Variants in CAGE1 observed in about 807,000 individuals in gnomAD.
CAGE1 encodes the protein cancer antigen 1, also known as cancer-associated gene 1 protein.
CAGE1 carries 66 observed loss-of-function variants against 94.9 expected under a neutral mutation model. The observed-to-expected ratio is 0.70, with a 90% CI of 0.57 to 0.85. CAGE1 has a LOEUF of 0.85. Among genes scored for constraint, CAGE1 ranks in the 40% least tolerant of loss-of-function variants. The pLI is 0.00. For missense variants in CAGE1, 865 were observed against 950.4 expected (o/e 0.91, Z 1.18); for synonymous variants, 319 against 321.0 (o/e 0.99, Z 0.07).
In CAGE1 at chr6:7,365,871, T is replaced by G. The variant is rs1561860974; in HGVS notation, c.2018A>C (p.Lys673Thr). The change falls in exon 8 of 14, where the codon AAA becomes ACA. Residue 673 changes from lysine to threonine, a missense_variant. By Grantham distance (78) the Lys-to-Thr change is moderately conservative. Coordinates refer to ENST00000502583, the MANE Select transcript of CAGE1 (RefSeq NM_001170692.2). ...KTLDKELLKH[K>T]DRITTFRELI... ...CTCTCTAAAGGTTGTGATTCTATCT[T>G]TATGTTTCAGTAGCTAAGAAAAGGA... is the stretch of plus-strand genomic sequence containing the variant. 3 of 1,520,342 alleles carry G rather than the reference T, an allele frequency of 2.0e-6. No individual in the cohort carries two copies. The highest frequency in any genetic ancestry group is 2.7e-6 in the Non-Finnish European group (3 of 1,126,992). 94.2% of individuals were successfully genotyped at this position (1,520,342 alleles called of 1,614,324 possible). A position where few individuals can be genotyped will look rare whatever the true frequency, so the allele number is the denominator to read the frequency against.
chr6:7,363,491 C>G (rs1329481898), intron 9 of CAGE1, among the ~76,000 whole-genome samples: 2 of 152,212 alleles, frequency 1.3e-5, no homozygotes, highest in African/African-American at 4.8e-5. Context: ...CTCTCTTAGT[C>G]TATAACAGTT....
At chr6:7,345,592 T>G (rs538325175) in intron 11 of CAGE1, among the ~76,000 whole-genome samples, 2 of 152,256 alleles carry the variant, frequency 1.3e-5, no homozygotes, top group East Asian at 3.9e-4. Context: ...ACTAATAGCT[T>G]TCATAGTAAA....
chr6:7,378,451 T>TTATATATATATATATATATA (rs34451165), intron 4 of CAGE1, among the ~76,000 whole-genome samples, 166 bp downstream of exon 4: 96 of 149,762 alleles, frequency 6.4e-4, no homozygotes, highest in African/African-American at 2.2e-3. Context: ...AAGTCTCAGA[T>TTATATATATATATATATATA]TATATATATA....
At chr6:7,358,034 A>AGG (rs1760028204) in intron 9 of CAGE1, among the ~76,000 whole-genome samples, 12 of 34,980 alleles carry the variant, frequency 3.4e-4, no homozygotes, top group African/African-American at 2.0e-3. Context: ...TGAGATATAT[A>AGG]TATATATATA....
At chr6:7,375,001 T>C (rs1323701934) in intron 4 of CAGE1, among the ~76,000 whole-genome samples, 2 of 152,066 alleles carry the variant, frequency 1.3e-5, no homozygotes, top group African/African-American at 4.8e-5. Flanking sequence ...ACTACTGCAC[T>C]CCAGCCTGGG....
At chr6:7,371,252 A>G (rs1466653495) in intron 5 of CAGE1, among the ~76,000 whole-genome samples, 1 of 152,184 alleles carries the variant, frequency 6.6e-6, no homozygotes, top group Non-Finnish European at 1.5e-5. Context: ...TGCTTTAACA[A>G]GCGTTTTAGG....
At chr6:7,342,042 G>T (rs1759197081) in intron 11 of CAGE1, 1 of 871,736 alleles carries the variant, frequency 1.1e-6, no homozygotes, top group East Asian at 2.5e-5. Flanking sequence ...TGTCTTTTTG[G>T]TAGGCATTGT....
chr6:7,343,802 G>A (rs763842301), intron 11 of CAGE1, among the ~76,000 whole-genome samples: 23 of 152,182 alleles, frequency 1.5e-4, no homozygotes, highest in Non-Finnish European at 2.6e-4. Flanking sequence ...GGGAAGCCAG[G>A]ACAGGAAATG....
chr6:7,327,100 TG>T (rs1758565268), intron 13 of CAGE1, among the ~76,000 whole-genome samples: 1 of 152,198 alleles, frequency 6.6e-6, no homozygotes, highest in African/African-American at 2.4e-5. Flanking sequence ...TTACCCAGGC[TG>T]CAGTGCAGTG....
intron 4 of CAGE1, 59 bp from the exon 5 acceptor site, chr6:7,374,190 G>C: frequency 1.4e-6 from 2 of 1,386,104 alleles, no homozygotes; most frequent in Non-Finnish European, 2.0e-6. Context: ...GAGCTTTCAA[G>C]TCAAATAGGG....
Position 7,386,844 on chromosome 6 carries a change from C to A in CAGE1, c.195+135G>T, listed in dbSNP as rs1036011911. Reference sequence around the variant, plus strand: ...GCTAGCGAAACTGGGAAAACCAGACCCTGTATTCCCCTCCTTTATGTGTCC... The same window carrying A: ...GCTAGCGAAACTGGGAAAACCAGACACTGTATTCCCCTCCTTTATGTGTCC... On this transcript the variant is annotated intron_variant, in intron 2 of 13. Transcript: ENST00000502583. The A allele has an allele frequency of 4.6e-5, 30 of 659,312 alleles. No homozygotes were observed. The African/African-American group carries it at 5.3e-4, about 12-fold the overall frequency. The allele number at this position is 659,312 out of a possible 1,614,324, so 40.8% of individuals were successfully genotyped here.
intron 4 of CAGE1, 70 bp downstream of exon 4, chr6:7,378,547 C>T (rs975119349): frequency 7.4e-7 from 1 of 1,355,340 alleles, no homozygotes; most frequent in African/African-American, 1.5e-5. Context: ...TTATAATTAA[C>T]TCTCAGATGA....
At chr6:7,366,758 C>G (rs1760355442) in intron 7 of CAGE1, among the ~76,000 whole-genome samples, 1 of 151,832 alleles carries the variant, frequency 6.6e-6, no homozygotes, top group Admixed American at 6.6e-5. Context: ...GCATTGTATC[C>G]TTTGCTGTGG....
At position 7,373,111 on chromosome 6, in the gene CAGE1, C is replaced by T. The variant is rs1422832430; in HGVS notation, c.1708G>A (p.Asp570Asn). 9 of 1,611,428 alleles carry T rather than the reference C, an allele frequency of 5.6e-6. No individual in the cohort carries two copies. The highest frequency in any genetic ancestry group is 7.6e-6 in the Non-Finnish European group (9 of 1,179,008). Residue 570 changes from aspartate (D) to asparagine (N), a missense_variant, in exon 5 of 14, where the codon GAT (aspartate) becomes AAT (asparagine). Asp to Asn is a conservative substitution (Grantham distance 23, BLOSUM62 1). Transcript: ENST00000502583. Reference protein sequence around the residue: ...VPKFETAQLKDQLEEVLKSDI... With the variant: ...VPKFETAQLKNQLEEVLKSDI... The stretch of plus-strand genomic sequence containing the variant: ...GACTTCAAGACTTCCTCTAATTGAT[C>T]CTTTAACTGAGCTGTCTCAAATTTA...
intron 11 of CAGE1, among the ~76,000 whole-genome samples, chr6:7,336,737 T>C (rs1758964588): frequency 6.6e-6 from 1 of 152,142 alleles, no homozygotes. Flanking sequence ...CTCAAACTCC[T>C]GGACTCAAGT....
intron 3 of CAGE1, among the ~76,000 whole-genome samples, chr6:7,382,642 T>C (rs1760978006): frequency 6.6e-6 from 1 of 150,612 alleles, no homozygotes. Flanking sequence ...CTGGGCGTGG[T>C]GACTCATGCC....
At chr6:7,345,240 G>A (rs1237051937) in intron 11 of CAGE1, among the ~76,000 whole-genome samples, 2 of 148,910 alleles carry the variant, frequency 1.3e-5, no homozygotes, top group Admixed American at 6.6e-5. Context: ...CTACCAAGAA[G>A]AAGGAACAAC....
chr6:7,357,538 A>AT (rs949867684), intron 9 of CAGE1, among the ~76,000 whole-genome samples: 23 of 152,052 alleles, frequency 1.5e-4, no homozygotes, highest in South Asian at 8.3e-4. Flanking sequence ...CTGCAGATGG[A>AT]TTTTTTTTTA....
chr6:7,338,551 A>G (rs1047323149), intron 11 of CAGE1, among the ~76,000 whole-genome samples: 3 of 152,184 alleles, frequency 2.0e-5, no homozygotes, highest in Non-Finnish European at 4.4e-5. Flanking sequence ...ATTGATGGAT[A>G]CAATTGTTAT....
Sources: allele counts gnomAD v4.1 joint callset (sites outside exome capture counted in the v4.1 genomes callset), GRCh38; gene constraint gnomAD v4.1.1; transcripts MANE v1.5; gene names NCBI Gene and HGNC (gene_info 2026-07-23, HGNC 2026-07-21).